Variants in NAV1 observed in about 807,000 individuals in gnomAD.
The protein encoded by NAV1 is pore membrane and/or filament interacting like protein 3.
Under a neutral mutation model 175.2 loss-of-function variants are expected in NAV1, and 18 were observed. The observed-to-expected ratio is 0.10, with a 90% confidence interval of 0.07 to 0.15. The LOEUF (loss-of-function observed/expected upper bound fraction) is 0.15. Among genes scored for constraint, NAV1 ranks in the 10% least tolerant of loss-of-function variants. The probability of loss-of-function intolerance (pLI) is 1.00; values close to 1 mark genes in which losing one functional copy is unlikely to be tolerated. For missense variants in NAV1, 1,731 were observed against 2,436.6 expected (o/e 0.71, Z 6.10); for synonymous variants, 897 against 978.7 (o/e 0.92, Z 1.56).
At chr1:201,653,506 G>C (rs1669285691) in intron 1 of NAV1, among the ~76,000 whole-genome samples, 1 of 152,096 alleles carries the variant, frequency 6.6e-6, no homozygotes, top group Non-Finnish European at 1.5e-5. Context: ...TTTTGGGGGG[G>C]AGGGGCAGTG....
At chr1:201,584,266 A>G (rs1666961652) in intron 1 of NAV1, among the ~76,000 whole-genome samples, 1 of 152,216 alleles carries the variant, frequency 6.6e-6, no homozygotes, top group Admixed American at 6.5e-5. Flanking sequence ...CTTTTTCATG[A>G]TACCATGTTT....
chr1:201,548,536 G>C (rs1665732943), intron 1 of NAV1, among the ~76,000 whole-genome samples: 1 of 152,088 alleles, frequency 6.6e-6, no homozygotes, highest in Non-Finnish European at 1.5e-5. Context: ...ACTCCAGCCT[G>C]GGTGACAGAG....
At chr1:201,706,524 C>T (rs376466515) in intron 1 of NAV1, among the ~76,000 whole-genome samples, 2 of 152,246 alleles carry the variant, frequency 1.3e-5, no homozygotes, top group Non-Finnish European at 1.5e-5. Context: ...CTGGGCAGGC[C>T]CCTCCCCTCT....
At chr1:201,771,501 A>G (rs935917785) in intron 3 of NAV1, among the ~76,000 whole-genome samples, 18 of 41,400 alleles carry the variant, frequency 4.3e-4, no homozygotes, top group African/African-American at 1.3e-3. Context: ...CTTCGTCTAG[A>G]AAAAAAAAAA....
intron 3 of NAV1, among the ~76,000 whole-genome samples, chr1:201,744,653 T>TA (rs1239054718): frequency 3.9e-5 from 6 of 152,158 alleles, no homozygotes; most frequent in African/African-American, 1.4e-4. Flanking sequence ...GCAGGGGCCA[T>TA]ACTTTGAGTG....
chr1:201,783,597 A>G (rs554068018), exon 7 of NAV1: 9 of 1,614,056 alleles, frequency 5.6e-6, no homozygotes, highest in South Asian at 5.5e-5. Flanking sequence ...CCCATCCTCA[A>G]TATTAACTCA....
chr1:201,555,188 G>T lies in NAV1; in HGVS notation c.-144+15846G>T, dbSNP rs140294001. Among the ~76,000 whole-genome samples the T allele has an allele frequency of 5.5e-3, 837 of 152,222 alleles. 7 individuals carry two copies. Among genetic ancestry groups the T allele is most frequent in the African/African-American group, 0.019 (790 of 41,508 alleles). On this transcript the variant is annotated intron_variant, in intron 1 of 33. Coordinates refer to the NAV1 transcript ENST00000685211. The stretch of plus-strand genomic sequence containing the variant: ...AATAAGGTCACATTCGGAGACACTG[G>T]GAATTAGTACTTCAATTATCTTTTT...
At chr1:201,742,455 A>T (rs115046878) in intron 3 of NAV1, among the ~76,000 whole-genome samples, 141 of 152,256 alleles carry the variant, frequency 9.3e-4, no homozygotes, top group African/African-American at 3.2e-3. Flanking sequence ...GGATTCTTCC[A>T]TCTATCATGG....
At chr1:201,565,660 G>A (rs898589403) in intron 1 of NAV1, among the ~76,000 whole-genome samples, 8 of 152,212 alleles carry the variant, frequency 5.3e-5, no homozygotes, top group Admixed American at 2.6e-4. Flanking sequence ...AGGCAGTATC[G>A]CTATTTGCAA....
chr1:201,824,223 G>A (rs1396819148), exon 30 of NAV1: 3 of 151,994 alleles, frequency 2.0e-5, no homozygotes, highest in African/African-American at 4.8e-5. Flanking sequence ...TTAAGAAGCC[G>A]ACTTCATAAG....
intron 1 of NAV1, among the ~76,000 whole-genome samples, chr1:201,584,036 C>T (rs745348221): frequency 6.6e-6 from 1 of 152,230 alleles, no homozygotes; most frequent in Non-Finnish European, 1.5e-5. Flanking sequence ...AATTCCATCA[C>T]CTGTGATGAT....
At chr1:201,685,205 A>G (rs1429408845) in intron 1 of NAV1, among the ~76,000 whole-genome samples, 2 of 151,094 alleles carry the variant, frequency 1.3e-5, no homozygotes, top group Non-Finnish European at 1.5e-5. Context: ...ACGCCACTGC[A>G]CCTCCAGCCT....
rs565201209 is a variant in NAV1, at chr1:201,585,416, G to A, written c.-143-3123G>A. On this transcript the variant is annotated intron_variant, in intron 1 of 33. Transcript: ENST00000685211. ...TCTACATGAACATAGGAAAGGCTCT[G>A]AGAAGCTCTTCATTCACAGACACAC... Among the ~76,000 whole-genome samples the A allele has an allele frequency of 3.9e-5, 6 of 152,180 alleles. No homozygotes were observed. The East Asian group carries it at 1.2e-3, about 29-fold the overall frequency.
At position 201,718,989 on chromosome 1, in the gene NAV1, G is replaced by T. The variant is rs573869357; in HGVS notation, c.1226+234G>T. On this transcript the variant is annotated intron_variant, in intron 3 of 29. Transcript: ENST00000367296. The surrounding 1 kb of genome is among the most constrained non-coding windows in gnomAD (Gnocchi z 4.8). ...ACATCCAAGGAGCTGATTGGTCAAT[G>T]AAGGCGCCTCCCTCTCATTGGTCTC... 6.6e-6 allele frequency among the ~76,000 whole-genome samples: 1 copy of T among 152,026 alleles called. No homozygotes were observed. Among genetic ancestry groups the T allele is most frequent in the Non-Finnish European group, 1.5e-5 (1 of 67,986 alleles).
At chr1:201,597,599 T>C (rs12091288) in intron 2 of NAV1, among the ~76,000 whole-genome samples, 8,305 of 150,756 alleles carry the variant, frequency 0.055, 523 homozygotes, top group African/African-American at 0.16. Context: ...AAGCTGGGAG[T>C]CCATAAGGAC....
chr1:201,655,469 C>A (rs1344809629), intron 1 of NAV1, among the ~76,000 whole-genome samples: 1 of 152,190 alleles, frequency 6.6e-6, no homozygotes, highest in Non-Finnish European at 1.5e-5. Flanking sequence ...GTAGGGGGGG[C>A]CAGGCCCAGC....
chr1:201,684,856 G>T (rs1319298952), intron 1 of NAV1, among the ~76,000 whole-genome samples: 2 of 150,716 alleles, frequency 1.3e-5, no homozygotes, highest in Admixed American at 1.3e-4. Context: ...CCAGCTACTC[G>T]AGAGGCTGAG....
intron 3 of NAV1, among the ~76,000 whole-genome samples, chr1:201,771,766 T>A (rs1675605574): frequency 6.6e-6 from 1 of 152,214 alleles, no homozygotes; most frequent in African/African-American, 2.4e-5. Flanking sequence ...GAGCCATATG[T>A]TGAAACTAAC....
intron 3 of NAV1, among the ~76,000 whole-genome samples, chr1:201,756,168 G>T (rs1236965196): frequency 1.3e-5 from 2 of 149,812 alleles, no homozygotes. Flanking sequence ...TGAAAAAGTT[G>T]CCACTTAACA....
Sources: allele counts gnomAD v4.1 joint callset (sites outside exome capture counted in the v4.1 genomes callset), GRCh38; gene constraint gnomAD v4.1.1; non-coding constraint Gnocchi (gnomAD v3.1); transcripts MANE v1.5; gene names NCBI Gene and HGNC (gene_info 2026-07-23, HGNC 2026-07-21).